The following SDK1 variants were observed in gnomAD, a reference collection of about 807,000 sequenced individuals.
SDK1 encodes sidekick cell adhesion molecule 1.
In SDK1, 157 loss-of-function variants were observed where a neutral mutation model predicts 245.5. That is an observed-to-expected ratio of 0.64 (90% CI 0.56 to 0.73). The LOEUF (loss-of-function observed/expected upper bound fraction) is 0.73. Ranked by LOEUF, SDK1 falls within the 30% of genes least tolerant of loss-of-function variation. SDK1 has a pLI of 0.00. For missense variants in SDK1, 3,583 were observed against 3,002.3 expected, an observed-to-expected ratio of 1.19 and a Z score of -4.52; for synonymous variants, 1,647 against 1,278.5, an observed-to-expected ratio of 1.29 and a Z score of -6.15.
intron 5 of SDK1, among the ~76,000 whole-genome samples, chr7:3,863,744 A>C (rs779608159): frequency 2.6e-5 from 4 of 152,236 alleles, no homozygotes; most frequent in Non-Finnish European, 5.9e-5. Flanking sequence ...GGGTTCATCC[A>C]TGTTGTAGCA....
chr7:4,185,239 G>A (rs768513654), intron 35 of SDK1, among the ~76,000 whole-genome samples: 3 of 152,200 alleles, frequency 2.0e-5, no homozygotes, highest in Non-Finnish European at 4.4e-5. Flanking sequence ...TTTTTCTGGT[G>A]GAGGTATGGA....
intron 1 of SDK1, among the ~76,000 whole-genome samples, chr7:3,484,605 T>C (rs1034750601): frequency 9.8e-5 from 15 of 152,306 alleles, no homozygotes; most frequent in South Asian, 2.1e-4. Context: ...CTAGAACTTA[T>C]TCCTTTCCTC....
chr7:3,985,476 T>G (rs909728217), intron 13 of SDK1, among the ~76,000 whole-genome samples: 1 of 152,130 alleles, frequency 6.6e-6, no homozygotes, highest in Non-Finnish European at 1.5e-5. Flanking sequence ...ATTCGGTTAT[T>G]GGAGAACTCA....
At chr7:3,927,621 A>T (rs972765275) in intron 5 of SDK1, among the ~76,000 whole-genome samples, 1 of 152,144 alleles carries the variant, frequency 6.6e-6, no homozygotes, top group African/African-American at 2.4e-5. Context: ...ATGGCTGAAG[A>T]CCAAATTCAG....
chr7:4,145,560 A>T lies in SDK1; in HGVS notation c.4229-162A>T, dbSNP rs575709499. 1.6e-4 allele frequency among the ~76,000 whole-genome samples: 24 copies of T among 152,248 alleles called. No individual in the cohort carries two copies. The South Asian group carries it at 4.4e-3, about 28-fold the overall frequency. ...AAATCCACGTGGGGCCCCACCATTCATCACAGCCATGAGACCACCCTTTCA... is the reference window on the plus strand; with the variant it reads ...AAATCCACGTGGGGCCCCACCATTCTTCACAGCCATGAGACCACCCTTTCA... On this transcript the variant is annotated intron_variant, in intron 28 of 44. Transcript: ENST00000404826.
intron 4 of SDK1, among the ~76,000 whole-genome samples, chr7:3,677,519 G>T (rs144816185): frequency 1.3e-5 from 2 of 152,292 alleles, no homozygotes; most frequent in African/African-American, 2.4e-5. Context: ...CAGATCTCGT[G>T]AGACTTATTC....
chr7:3,525,518 G>A lies in SDK1; in HGVS notation c.299-93562G>A, dbSNP rs116747459. Among the ~76,000 whole-genome samples, 403 of 152,196 alleles carry A rather than the reference G, an allele frequency of 2.6e-3. 2 individuals carry two copies. The highest frequency in any genetic ancestry group is 9.2e-3 in the African/African-American group (383 of 41,518). ...GCTGAACTGAACTCGGCATCTCCCA[G>A]CACCACCAACCTGGAAAGTGTTTTT... On this transcript the variant is annotated intron_variant, in intron 1 of 44. Coordinates refer to ENST00000404826, the MANE Select transcript of SDK1 (RefSeq NM_152744.4).
At chr7:3,729,011 T>C (rs1451885684) in intron 4 of SDK1, among the ~76,000 whole-genome samples, 1 of 152,162 alleles carries the variant, frequency 6.6e-6, no homozygotes, top group Non-Finnish European at 1.5e-5. Context: ...ATGCCAACGG[T>C]GTCTCCTGAC....
intron 17 of SDK1, among the ~76,000 whole-genome samples, chr7:4,046,528 T>A (rs1789025202): frequency 6.6e-6 from 1 of 152,222 alleles, no homozygotes; most frequent in Non-Finnish European, 1.5e-5. Context: ...TGTGAATGAA[T>A]GTCTAATATT....
At chr7:3,719,019 T>C (rs1042623718) in intron 4 of SDK1, among the ~76,000 whole-genome samples, 1 of 152,234 alleles carries the variant, frequency 6.6e-6, no homozygotes, top group African/African-American at 2.4e-5. Context: ...CAATGCCATT[T>C]ATAATTGTTC....
chr7:3,334,451 G>A (rs1780148464), intron 1 of SDK1, among the ~76,000 whole-genome samples: 2 of 152,020 alleles, frequency 1.3e-5, no homozygotes, highest in South Asian at 2.1e-4. Context: ...ACCACAGGTA[G>A]CTGTCATAGC....
chr7:3,912,876 A>AG (rs142010277), intron 5 of SDK1, among the ~76,000 whole-genome samples: 3,098 of 152,310 alleles, frequency 0.02, 104 homozygotes, highest in African/African-American at 0.07. Context: ...ACCAAAAAAA[A>AG]GTGCAGTGAC....
At chr7:3,978,448 ATC>A (rs1460213589) in intron 13 of SDK1, among the ~76,000 whole-genome samples, 1 of 152,224 alleles carries the variant, frequency 6.6e-6, no homozygotes, top group African/African-American at 2.4e-5. Context: ...AAATATAGAA[ATC>A]TCTGCAAATT....
Position 4,113,294 on chromosome 7 carries a change from G to A in SDK1, c.3440G>A (p.Arg1147Gln), listed in dbSNP as rs1783469556. The stretch of plus-strand genomic sequence containing the variant: ...ATCAGTGGTTTTTCCTTTAGATTTC[G>A]AATGAAGCAAGTGAACATTGTTGGG... The part of the protein sequence containing the change: ...NLTPYTHYRF[R>Q]MKQVNIVGPS... The change falls in exon 24 of 45, where the codon CGA (arginine) becomes CAA (glutamine). Residue 1147 changes from arginine (R) to glutamine (Q), a missense_variant. Physicochemically the swap from Arg to Gln is conservative, Grantham distance 43. Coordinates refer to ENST00000404826, the MANE Select transcript of SDK1 (RefSeq NM_152744.4). 2.5e-6 allele frequency: 4 copies of A among 1,611,458 alleles called. No homozygotes were observed. Among genetic ancestry groups the A allele is most frequent in the East Asian group, 2.2e-5 (1 of 44,832 alleles).
rs776142639 is a variant in SDK1 at position 4,233,357 on chromosome 7, G to A, written c.5930G>A (p.Arg1977Gln). 23 of 1,613,852 alleles carry A rather than the reference G, an allele frequency of 1.4e-5. No individual in the cohort carries two copies. The highest frequency in any genetic ancestry group is 6.6e-5 in the South Asian group (6 of 91,092). The part of the protein sequence containing the change: ...KLRQGVTYEF[R>Q]VVAVNEAGYG... ...CGGCAAGGAGTGACTTACGAGTTCCGGGTGGTGGCTGTGAATGAGGCGGGC... is the reference window on the plus strand; with the variant it reads ...CGGCAAGGAGTGACTTACGAGTTCCAGGTGGTGGCTGTGAATGAGGCGGGC... The change falls in exon 41 of 45, where the codon CGG becomes CAG. Residue 1977 changes from arginine (R) to glutamine (Q), a missense_variant. By Grantham distance (43) the Arg-to-Gln change is conservative (BLOSUM62 1). Transcript: ENST00000404826.
intron 4 of SDK1, among the ~76,000 whole-genome samples, chr7:3,705,458 TTTA>T (rs1297098333): frequency 8.3e-5 from 11 of 132,702 alleles, no homozygotes; most frequent in African/African-American, 4.1e-4. Context: ...TTTATTTTAT[TTTA>T]TTTTATTTTA....
chr7:3,775,582 T>TA (rs1270980830), intron 4 of SDK1, among the ~76,000 whole-genome samples: 10 of 151,544 alleles, frequency 6.6e-5, no homozygotes, highest in African/African-American at 2.2e-4. Flanking sequence ...TTTCTTTTTT[T>TA]TTTTTGAGAC....
chr7:3,714,925 A>G (rs985594834), intron 4 of SDK1, among the ~76,000 whole-genome samples: 5 of 152,342 alleles, frequency 3.3e-5, no homozygotes, highest in East Asian at 1.9e-4. Flanking sequence ...AGAGAATGCA[A>G]TGTGGGCTTA....
chr7:3,581,160 CAG>C (rs1224343664), intron 1 of SDK1, among the ~76,000 whole-genome samples: 1 of 151,958 alleles, frequency 6.6e-6, no homozygotes, highest in Non-Finnish European at 1.5e-5. Flanking sequence ...AAACTATCAA[CAG>C]AGTATGCAGA....
Sources: gnomAD v4.1 joint callset for allele counts (sites outside exome capture counted in the v4.1 genomes callset) on GRCh38, gnomAD v4.1.1 for gene constraint, MANE v1.5 for transcripts, NCBI Gene and HGNC (gene_info 2026-07-23, HGNC 2026-07-21) for gene names.